The following ZMYM2 variants were observed in gnomAD, a reference collection of about 807,000 sequenced individuals.
The protein encoded by ZMYM2 is zinc finger MYM-type containing 2.
In ZMYM2, 56 loss-of-function variants were observed where a neutral mutation model predicts 162.8. The observed-to-expected ratio is 0.34, with a 90% confidence interval of 0.28 to 0.43. The LOEUF is 0.43. ZMYM2 is among the 20% of genes least tolerant of loss of function. The pLI is 1.00. For synonymous variants in ZMYM2, 510 were observed against 541.6 expected (o/e 0.94, Z 0.81); for missense variants, 1,275 against 1,621.8 (o/e 0.79, Z 3.67).
At chr13:19,962,515 A>ATATT (rs1371972440) in intron 2 of ZMYM2, among the ~76,000 whole-genome samples, 16 of 38,920 alleles carry the variant, frequency 4.1e-4, no homozygotes, top group East Asian at 1.1e-3. Context: ...ATATATATAT[A>ATATT]TTTTTTTTTT....
the ZMYM2 span, among the ~76,000 whole-genome samples, chr13:19,878,215 G>C: frequency 1.3e-5 from 2 of 151,990 alleles, no homozygotes; most frequent in African/African-American, 4.8e-5. Context: ...ACCACACCCA[G>C]CTAATTTTTG....
At chr13:20,023,346 C>T (rs1455766088) in intron 7 of ZMYM2, among the ~76,000 whole-genome samples, 1 of 152,152 alleles carries the variant, frequency 6.6e-6, no homozygotes, top group Non-Finnish European at 1.5e-5. Flanking sequence ...TACATCAAGC[C>T]ATTCTTTCTT....
At chr13:20,040,925 T>C (rs1248148361) in intron 12 of ZMYM2, among the ~76,000 whole-genome samples, 1 of 152,228 alleles carries the variant, frequency 6.6e-6, no homozygotes, top group Non-Finnish European at 1.5e-5. Context: ...AATGGATTTC[T>C]TAGTCTTGAC....
chr13:20,029,801 A>ATT (rs971367868), intron 9 of ZMYM2, among the ~76,000 whole-genome samples: 2 of 146,676 alleles, frequency 1.4e-5, no homozygotes, highest in Admixed American at 1.4e-4. Context: ...TATTCTGTAA[A>ATT]TTTTTTTTTT....
At chr13:19,984,939 T>C (rs1949012138) in intron 2 of ZMYM2, among the ~76,000 whole-genome samples, 1 of 152,164 alleles carries the variant, frequency 6.6e-6, no homozygotes, top group Non-Finnish European at 1.5e-5. Flanking sequence ...GCCCCAGAAG[T>C]GGTTTTCTTC....
the ZMYM2 span, among the ~76,000 whole-genome samples, chr13:19,946,786 A>T: frequency 6.6e-6 from 1 of 152,192 alleles, no homozygotes; most frequent in Non-Finnish European, 1.5e-5. Flanking sequence ...ATAATGACTA[A>T]TTTTTGTTAC....
At chr13:20,038,703 A>G (rs1312169764) in intron 12 of ZMYM2, among the ~76,000 whole-genome samples, 2 of 151,788 alleles carry the variant, frequency 1.3e-5, no homozygotes, top group African/African-American at 4.8e-5. Flanking sequence ...GTCAGGTGGC[A>G]TGATTCCTCC....
At chr13:19,927,997 CTTAT>C in the ZMYM2 span, among the ~76,000 whole-genome samples, 3 of 151,712 alleles carry the variant, frequency 2.0e-5, no homozygotes. Flanking sequence ...GTGCCTTTTT[CTTAT>C]TTATTTATTT....
chr13:19,982,663 A>C (rs1044724292), intron 2 of ZMYM2, among the ~76,000 whole-genome samples: 1 of 152,102 alleles, frequency 6.6e-6, no homozygotes, highest in African/African-American at 2.4e-5. Context: ...GAACCTGTTG[A>C]GTATTCTATT....
chr13:19,881,892 G>T, the ZMYM2 span, among the ~76,000 whole-genome samples: 2 of 148,708 alleles, frequency 1.3e-5, no homozygotes, highest in Admixed American at 6.8e-5. Context: ...CGAGGCAAGA[G>T]AATCGCTTGA....
chr13:20,002,633 T>C (rs981397474), intron 3 of ZMYM2, among the ~76,000 whole-genome samples: 1 of 152,216 alleles, frequency 6.6e-6, no homozygotes, highest in Non-Finnish European at 1.5e-5. Flanking sequence ...CTGAGAACAC[T>C]TAAAATCTAA....
At chr13:19,945,034 AAAAC>A in the ZMYM2 span, among the ~76,000 whole-genome samples, 1 of 152,186 alleles carries the variant, frequency 6.6e-6, no homozygotes, top group Non-Finnish European at 1.5e-5. Flanking sequence ...GAAAAAAAGA[AAAAC>A]AAAACCAAAA....
the ZMYM2 span, among the ~76,000 whole-genome samples, chr13:19,920,377 C>G: frequency 2.6e-5 from 4 of 151,984 alleles, no homozygotes; most frequent in Non-Finnish European, 5.9e-5. Context: ...GGCTTGTGAG[C>G]GTTAGTTTGT....
chr13:20,020,839 T>C (rs574930132), intron 7 of ZMYM2, among the ~76,000 whole-genome samples: 4 of 152,302 alleles, frequency 2.6e-5, no homozygotes, highest in Admixed American at 1.3e-4. Flanking sequence ...TCAGATGTTA[T>C]GTTTTTCGTC....
At chr13:19,863,849 C>T in the ZMYM2 span, 4 of 152,352 alleles carry the variant, frequency 2.6e-5, no homozygotes, top group Admixed American at 2.6e-4. Context: ...CAGTTCCACT[C>T]CCGCCTGCCA....
At chr13:19,929,391 G>A in the ZMYM2 span, among the ~76,000 whole-genome samples, 616 of 151,834 alleles carry the variant, frequency 4.1e-3, 4 homozygotes, top group Middle Eastern at 0.024. Flanking sequence ...GGCGCCTGCC[G>A]CCACGCCAGG....
chr13:20,021,772 C>T (rs1194886606), intron 7 of ZMYM2, among the ~76,000 whole-genome samples: 1 of 152,134 alleles, frequency 6.6e-6, no homozygotes, highest in Admixed American at 6.5e-5. Flanking sequence ...CAGGTGCTTT[C>T]TTCTCATGAA....
At chr13:20,060,500 G>A (rs1283779558) in intron 16 of ZMYM2, among the ~76,000 whole-genome samples, 2 of 152,112 alleles carry the variant, frequency 1.3e-5, no homozygotes, top group East Asian at 3.9e-4. Context: ...CCAACATGGT[G>A]AAACCCCCTC....
intron 21 of ZMYM2, among the ~76,000 whole-genome samples, chr13:20,070,668 G>A (rs1280677523): frequency 1.3e-5 from 2 of 151,906 alleles, no homozygotes; most frequent in African/African-American, 4.8e-5. Flanking sequence ...ACACCACCAC[G>A]CCCGGCTAAT....
Sources: allele counts gnomAD v4.1 joint callset (sites outside exome capture counted in the v4.1 genomes callset), GRCh38; gene constraint gnomAD v4.1.1; transcripts MANE v1.5; gene names NCBI Gene and HGNC (gene_info 2026-07-23, HGNC 2026-07-21).